The following GPATCH8 variants were observed in gnomAD, a reference collection of about 807,000 sequenced individuals.
GPATCH8 encodes G patch domain-containing protein 8.
In GPATCH8, 18 loss-of-function variants were observed where a neutral mutation model predicts 118.3. The observed-to-expected ratio is 0.15, with a 90% confidence interval of 0.11 to 0.23. The LOEUF is 0.23. GPATCH8 is among the 10% of genes least tolerant of loss of function. GPATCH8 has a pLI of 1.00. For synonymous variants in GPATCH8, 659 were observed against 684.7 expected (o/e 0.96, Z 0.59); for missense variants, 1,631 against 1,873.8 (o/e 0.87, Z 2.39).
intron 6 of GPATCH8, among the ~76,000 whole-genome samples, chr17:44,416,033 C>A (rs1046258737): frequency 2.0e-5 from 3 of 152,220 alleles, no homozygotes; most frequent in African/African-American, 7.2e-5. Flanking sequence ...GACGGAGTCT[C>A]ACTCTGTTGC....
In GPATCH8 at chr17:44,395,674, A is replaced by G; in HGVS notation, c.*1894T>C. ...GTAGGAGGGTGGGAGGGCAGTCAAG[A>G]GTTGTGTTTGCCTGCCACTTTCTTT... On this transcript the variant is annotated 3_prime_UTR_variant, in exon 8 of 8. Transcript: ENST00000591680. The G allele has an allele frequency of 4.4e-6, 2 of 454,160 alleles. No individual in the cohort carries two copies. The highest frequency in any genetic ancestry group is 8.8e-6 in the Non-Finnish European group (2 of 226,798). The allele number at this position is 454,160 out of a possible 1,614,324, so 28.1% of individuals were successfully genotyped here. A position where few individuals can be genotyped will look rare whatever the true frequency, so the allele number is the denominator to read the frequency against.
At chr17:44,408,812 A>G (rs2049325653) in intron 6 of GPATCH8, among the ~76,000 whole-genome samples, 1 of 152,206 alleles carries the variant, frequency 6.6e-6, no homozygotes, top group Admixed American at 6.5e-5. Context: ...GGGATGAAGC[A>G]ATAAAACGAA....
intron 1 of GPATCH8, among the ~76,000 whole-genome samples, chr17:44,496,841 G>T (rs1479616593): frequency 6.6e-6 from 1 of 152,112 alleles, no homozygotes; most frequent in Non-Finnish European, 1.5e-5. Flanking sequence ...TTCAGCCTGG[G>T]CATATTTAAC....
intron 7 of GPATCH8, 96 bp downstream of exon 7, chr17:44,405,825 C>T (rs979895840): frequency 2.3e-5 from 23 of 1,010,916 alleles, no homozygotes; most frequent in Non-Finnish European, 3.4e-5. Flanking sequence ...ATTCTTAAAT[C>T]TTAATTTAAA....
intron 2 of GPATCH8, among the ~76,000 whole-genome samples, chr17:44,470,423 T>C (rs575864695): frequency 6.6e-6 from 1 of 151,842 alleles, no homozygotes; most frequent in East Asian, 1.9e-4. Flanking sequence ...GTCTATCTCC[T>C]GACCCTGTGA....
At position 44,399,676 on chromosome 17, in the gene GPATCH8, T is replaced by C; in HGVS notation, c.2401A>G (p.Thr801Ala). The C allele has an allele frequency of 1.2e-6, 2 of 1,614,194 alleles. No individual in the cohort carries two copies. ...PPSSCQRRAGTKRSSRSSHRS... is the reference protein window; with the variant it reads ...PPSSCQRRAGAKRSSRSSHRS... The stretch of plus-strand genomic sequence containing the variant: ...TGGCTAGACCGGCTGCTCCGTTTGG[T>C]GCCTGCTCTTCGCTGGCAGGATGAA... The change falls in exon 8 of 8, where the codon ACC (threonine) becomes GCC (alanine). Residue 801 changes from threonine to alanine, a missense_variant. By Grantham distance (58) the Thr-to-Ala change is moderately conservative. Transcript: ENST00000591680.
chr17:44,472,465 G>A (rs1967361751), intron 2 of GPATCH8, among the ~76,000 whole-genome samples: 1 of 152,154 alleles, frequency 6.6e-6, no homozygotes, highest in Non-Finnish European at 1.5e-5. Context: ...CTTAAAATAT[G>A]TTAAATATCA....
At chr17:44,472,642 T>C in intron 2 of GPATCH8, among the ~76,000 whole-genome samples, 1 of 152,188 alleles carries the variant, frequency 6.6e-6, no homozygotes, top group Non-Finnish European at 1.5e-5. Context: ...GGGGAGCTGA[T>C]TCTGACAGCT....
intron 6 of GPATCH8, among the ~76,000 whole-genome samples, chr17:44,411,526 T>C (rs761030592): frequency 2.6e-5 from 4 of 152,146 alleles, no homozygotes; most frequent in Non-Finnish European, 4.4e-5. Flanking sequence ...ATAAAACCCA[T>C]TTTTCTCATG....
chr17:44,395,731 AG>A lies in GPATCH8; in HGVS notation c.*1836del. The A allele has an allele frequency of 2.2e-6, 1 of 454,144 alleles. No homozygotes were observed. Among genetic ancestry groups the A allele is most frequent in the Non-Finnish European group, 4.4e-6 (1 of 226,796 alleles). The allele number at this position is 454,144 out of a possible 1,614,324, so 28.1% of individuals were successfully genotyped here. Reference sequence around the variant, plus strand: ...ACTTTACTCTTTTGAGAATTTGCGAAGGCAGGAACAGAGCCTTGGCCCAGGT... The same window carrying A: ...ACTTTACTCTTTTGAGAATTTGCGAAGCAGGAACAGAGCCTTGGCCCAGGT... On this transcript the variant is annotated 3_prime_UTR_variant, in exon 8 of 8. Coordinates refer to ENST00000591680, the MANE Select transcript of GPATCH8 (RefSeq NM_001002909.4).
At chr17:44,454,169 G>C (rs1235376364) in intron 3 of GPATCH8, among the ~76,000 whole-genome samples, 1 of 152,108 alleles carries the variant, frequency 6.6e-6, no homozygotes, top group Non-Finnish European at 1.5e-5. Context: ...TTAGAGAAAA[G>C]GTCTTGCTCT....
At chr17:44,455,821 C>T (rs908116205) in intron 3 of GPATCH8, among the ~76,000 whole-genome samples, 3 of 152,164 alleles carry the variant, frequency 2.0e-5, no homozygotes, top group Admixed American at 1.3e-4. Flanking sequence ...GAACTCAGCT[C>T]ACTGCAACCT....
chr17:44,437,834 T>G (rs2050561529), intron 3 of GPATCH8, among the ~76,000 whole-genome samples: 1 of 151,672 alleles, frequency 6.6e-6, no homozygotes, highest in Non-Finnish European at 1.5e-5. Flanking sequence ...TTTAACTACT[T>G]ATGTATCCTA....
intron 4 of GPATCH8, 111 bp from the exon 5 acceptor site, chr17:44,435,262 A>G: frequency 1.4e-6 from 1 of 690,678 alleles, no homozygotes; most frequent in East Asian, 2.7e-5. Context: ...AAAAAATTGT[A>G]ATTTTGCTTA....
intron 1 of GPATCH8, among the ~76,000 whole-genome samples, chr17:44,502,516 T>G (rs377006483): frequency 6.6e-6 from 1 of 152,218 alleles, no homozygotes; most frequent in Non-Finnish European, 1.5e-5. Flanking sequence ...TTGGCCTTTA[T>G]TTTTTACTCA....
At chr17:44,418,845 C>T (rs2049788904) in intron 6 of GPATCH8, among the ~76,000 whole-genome samples, 1 of 152,160 alleles carries the variant, frequency 6.6e-6, no homozygotes. Context: ...AATGGAAAGG[C>T]CTACTCTTAG....
chr17:44,475,450 G>A (rs1967678723), intron 1 of GPATCH8, among the ~76,000 whole-genome samples: 1 of 151,638 alleles, frequency 6.6e-6, no homozygotes, highest in Non-Finnish European at 1.5e-5. Flanking sequence ...TGTAATCCTA[G>A]CACTTTGGGA....
At chr17:44,497,942 A>AAAAAAAAG (rs1224757926) in intron 1 of GPATCH8, among the ~76,000 whole-genome samples, 1 of 152,090 alleles carries the variant, frequency 6.6e-6, no homozygotes, top group African/African-American at 2.4e-5. Flanking sequence ...CTGTCTCCAA[A>AAAAAAAAG]AAAAAAAGAA....
At chr17:44,409,738 A>C (rs1257149076) in intron 6 of GPATCH8, among the ~76,000 whole-genome samples, 1 of 152,188 alleles carries the variant, frequency 6.6e-6, no homozygotes, top group Non-Finnish European at 1.5e-5. Flanking sequence ...ACAAGATTAA[A>C]TGTCAAAATA....
Sources: allele counts gnomAD v4.1 joint callset (sites outside exome capture counted in the v4.1 genomes callset), GRCh38; gene constraint gnomAD v4.1.1; transcripts MANE v1.5; gene names NCBI Gene and HGNC (gene_info 2026-07-23, HGNC 2026-07-21).